The following FHIT variants were observed in gnomAD, a reference collection of about 807,000 sequenced individuals.
The protein encoded by FHIT is bis(5'-adenosyl)-triphosphatase.
FHIT carries 19 observed loss-of-function variants against 17.9 expected under a neutral mutation model. The ratio of observed to expected loss-of-function variants is 1.06; its 90% confidence interval spans 0.74 to 1.56. The LOEUF (loss-of-function observed/expected upper bound fraction) is 1.56. Among genes scored for constraint, FHIT ranks in the 40% most tolerant of loss-of-function variants. The pLI, the probability that FHIT is intolerant of heterozygous loss-of-function variation, is 0.00. For missense variants in FHIT, 248 were observed against 189.2 expected, an observed-to-expected ratio of 1.31 and a Z score of -1.82; for synonymous variants, 81 against 69.7, an observed-to-expected ratio of 1.16 and a Z score of -0.81.
At chr3:60,285,980 G>C (rs1707708181) in intron 5 of FHIT, among the ~76,000 whole-genome samples, 1 of 152,120 alleles carries the variant, frequency 6.6e-6, no homozygotes, top group Non-Finnish European at 1.5e-5. Context: ...CTCACAGCAT[G>C]GCTGTTGGAT....
chr3:61,164,737 T>C (rs762236165), intron 2 of FHIT, among the ~76,000 whole-genome samples: 1 of 152,194 alleles, frequency 6.6e-6, no homozygotes, highest in Non-Finnish European at 1.5e-5. Flanking sequence ...CAAATGATCC[T>C]GTCATCCAGG....
chr3:61,007,406 G>A (rs763274127), intron 3 of FHIT, among the ~76,000 whole-genome samples: 9 of 152,152 alleles, frequency 5.9e-5, no homozygotes, highest in African/African-American at 2.2e-4. Flanking sequence ...AATCGATGGA[G>A]GAGCAATAAA....
chr3:60,283,243 A>G (rs370017564), intron 5 of FHIT, among the ~76,000 whole-genome samples: 2 of 152,054 alleles, frequency 1.3e-5, no homozygotes, highest in African/African-American at 4.8e-5. Context: ...ACACACACAC[A>G]TACACACACA....
At chr3:60,687,631 G>A (rs1212623958) in intron 4 of FHIT, among the ~76,000 whole-genome samples, 1 of 151,954 alleles carries the variant, frequency 6.6e-6, no homozygotes, top group East Asian at 1.9e-4. Context: ...TTAAAAAAGT[G>A]TATTGCTTAT....
At chr3:60,174,891 C>G (rs974809269) in intron 5 of FHIT, among the ~76,000 whole-genome samples, 2 of 152,066 alleles carry the variant, frequency 1.3e-5, no homozygotes, top group Non-Finnish European at 2.9e-5. Flanking sequence ...TTCTGGATAT[C>G]TCATATAAAT....
chr3:60,478,793 G>A (rs1013944781), intron 5 of FHIT, among the ~76,000 whole-genome samples: 14 of 152,166 alleles, frequency 9.2e-5, no homozygotes, highest in African/African-American at 3.4e-4. Flanking sequence ...ATAAAAGTAT[G>A]TTGAAGGCAC....
chr3:60,724,691 C>T (rs1285968171), intron 4 of FHIT, among the ~76,000 whole-genome samples: 2 of 146,344 alleles, frequency 1.4e-5, no homozygotes, highest in Admixed American at 6.9e-5. Context: ...GCCTGTCACC[C>T]AGGCTGGAGT....
intron 6 of FHIT, among the ~76,000 whole-genome samples, chr3:60,013,695 G>A (rs555589783): frequency 6.6e-6 from 1 of 152,250 alleles, no homozygotes; most frequent in African/African-American, 2.4e-5. Context: ...AGTTACCATG[G>A]AATGAAAATG....
intron 5 of FHIT, among the ~76,000 whole-genome samples, chr3:60,084,671 G>A (rs376143127): frequency 2.6e-5 from 4 of 152,016 alleles, no homozygotes; most frequent in Non-Finnish European, 4.4e-5. Context: ...GAGTAAACAC[G>A]CTGAGGACTT....
At chr3:60,918,973 T>C (rs73838618) in intron 3 of FHIT, among the ~76,000 whole-genome samples, 4,860 of 152,226 alleles carry the variant, frequency 0.032, 263 homozygotes, top group African/African-American at 0.11. Flanking sequence ...TATTCATATG[T>C]AAACTTCTAT....
chr3:60,294,294 G>A (rs931404044), intron 5 of FHIT, among the ~76,000 whole-genome samples: 3 of 152,074 alleles, frequency 2.0e-5, no homozygotes, highest in Non-Finnish European at 2.9e-5. Flanking sequence ...TTCTGAGATG[G>A]TGAAATGCAT....
intron 5 of FHIT, among the ~76,000 whole-genome samples, chr3:60,054,632 T>A (rs528879539): frequency 6.6e-6 from 1 of 152,320 alleles, no homozygotes; most frequent in African/African-American, 2.4e-5. Flanking sequence ...GCAACACTTC[T>A]GCCTGATCTG....
At chr3:60,076,624 C>G (rs1179111487) in intron 5 of FHIT, among the ~76,000 whole-genome samples, 2 of 151,768 alleles carry the variant, frequency 1.3e-5, no homozygotes, top group Non-Finnish European at 2.9e-5. Context: ...TAGTGAGACA[C>G]CAGATTAGAA....
chr3:60,451,439 C>A (rs1393476930), intron 5 of FHIT, among the ~76,000 whole-genome samples: 1 of 152,092 alleles, frequency 6.6e-6, no homozygotes, highest in Non-Finnish European at 1.5e-5. Flanking sequence ...TGGACTGGTA[C>A]ATCTTGTCTT....
intron 5 of FHIT, among the ~76,000 whole-genome samples, chr3:60,457,062 C>G (rs150249738): frequency 1.3e-3 from 192 of 152,240 alleles, no homozygotes; most frequent in African/African-American, 4.3e-3. Flanking sequence ...ACTTTCTTCA[C>G]AGAATTGGAA....
At chr3:60,749,930 T>G (rs956147675) in intron 4 of FHIT, among the ~76,000 whole-genome samples, 4 of 152,198 alleles carry the variant, frequency 2.6e-5, no homozygotes, top group African/African-American at 4.8e-5. Flanking sequence ...AAGATTAAAG[T>G]GCCCAGTATA....
chr3:59,821,803 A>G (rs1479238717), intron 8 of FHIT, among the ~76,000 whole-genome samples: 1 of 151,810 alleles, frequency 6.6e-6, no homozygotes, highest in East Asian at 1.9e-4. Context: ...TTTATTTTTA[A>G]TTTTTTTATT....
At chr3:59,982,829 C>A (rs1219445704) in intron 7 of FHIT, among the ~76,000 whole-genome samples, 1 of 152,170 alleles carries the variant, frequency 6.6e-6, no homozygotes, top group Non-Finnish European at 1.5e-5. Context: ...GATTCTGAGA[C>A]ATCTCCGTGG....
At chr3:60,769,215 G>A (rs911409745) in intron 4 of FHIT, among the ~76,000 whole-genome samples, 4 of 152,146 alleles carry the variant, frequency 2.6e-5, no homozygotes, top group Non-Finnish European at 5.9e-5. Flanking sequence ...TGTGGTTCCA[G>A]TTAAAAGACA....
Sources: allele counts gnomAD v4.1 joint callset (sites outside exome capture counted in the v4.1 genomes callset), GRCh38; gene constraint gnomAD v4.1.1; transcripts MANE v1.5; gene names NCBI Gene and HGNC (gene_info 2026-07-23, HGNC 2026-07-21).